The following EXOC7 variants were observed in gnomAD, a reference collection of about 807,000 sequenced individuals.
EXOC7 encodes exocyst complex component Exo70.
EXOC7 carries 51 observed loss-of-function variants against 87.6 expected under a neutral mutation model. The observed-to-expected ratio is 0.58, with a 90% CI of 0.46 to 0.73. EXOC7 has a LOEUF of 0.73. EXOC7 is among the 30% of genes least tolerant of loss of function. The probability of loss-of-function intolerance (pLI) is 0.00; values close to 1 mark genes in which losing one functional copy is unlikely to be tolerated. For missense variants in EXOC7, 744 were observed against 888.4 expected (o/e 0.84, Z 2.07); for synonymous variants, 327 against 357.1 (o/e 0.92, Z 0.95).
Position 76,101,390 on chromosome 17 carries a change from G to A in EXOC7, c.312-14C>T, listed in dbSNP as rs1339457227. The A allele has an allele frequency of 6.2e-7, 1 of 1,613,970 alleles. No individual in the cohort carries two copies. Among genetic ancestry groups the A allele is most frequent in the African/African-American group, 1.3e-5 (1 of 75,022 alleles). On this transcript the variant is annotated splice_polypyrimidine_tract_variant and intron_variant, in intron 3 of 18. Transcript: ENST00000589210. ...CTACCTGTGGGGCTGGGAAAGAAAA[G>A]AGCCAGGTCAGGCTGGGGCATGGGG...
At position 76,085,863 on chromosome 17, in the gene EXOC7, C is replaced by T. The variant is rs1427680936; in HGVS notation, c.1496-66G>A. ...TGACCCAAACGACCCCACCCCAGGA[C>T]CCGCGAACGCGCTCCTATCCATCGC... On this transcript the variant is annotated intron_variant, in intron 13 of 18. Coordinates refer to ENST00000589210, the MANE Select transcript of EXOC7 (RefSeq NM_001013839.4). 6 of 1,576,796 alleles carry T rather than the reference C, an allele frequency of 3.8e-6. No homozygotes were observed. In the African/African-American group the frequency reaches 8.1e-5, roughly 21 times the overall value.
At position 76,083,465 on chromosome 17, in the gene EXOC7, C is replaced by G; in HGVS notation, c.*183G>C. On this transcript the variant is annotated 3_prime_UTR_variant, in exon 19 of 19. Transcript: ENST00000589210. ...GAGAGTGCTGGTTCGGCTGGGAACACGGGCTGTGGGGAAAAAGCAGGAGCC... is the reference window on the plus strand; with the variant it reads ...GAGAGTGCTGGTTCGGCTGGGAACAGGGGCTGTGGGGAAAAAGCAGGAGCC... 3.2e-6 allele frequency: 2 copies of G among 617,736 alleles called. No homozygotes were observed. The highest frequency in any genetic ancestry group is 5.8e-6 in the Non-Finnish European group (2 of 347,284). 38.3% of individuals were successfully genotyped at this position (617,736 alleles called of 1,614,324 possible). A position where few individuals can be genotyped will look rare whatever the true frequency, so the allele number is the denominator to read the frequency against.
chr17:76,102,174 G>T (rs985647221), intron 2 of EXOC7, among the ~76,000 whole-genome samples: 2 of 152,144 alleles, frequency 1.3e-5, no homozygotes, highest in Non-Finnish European at 2.9e-5. Flanking sequence ...CTCAACTTCT[G>T]TTCTCTCTGA....
In EXOC7 at chr17:76,082,261, C is replaced by A; in HGVS notation, c.*1387G>T. ...CCCTGAAGTCCCAGGTGACCTCAAT[C>A]CCCTGATAACCCATGCCTTGCACAG... On this transcript the variant is annotated 3_prime_UTR_variant, in exon 19 of 19. Transcript: ENST00000589210. 1 of 768,934 alleles carries A rather than the reference C, an allele frequency of 1.3e-6. No homozygotes were observed. The highest frequency in any genetic ancestry group is 2.0e-6 in the Non-Finnish European group (1 of 493,642). 47.6% of individuals were successfully genotyped at this position (768,934 alleles called of 1,614,324 possible).
chr17:76,082,878 T>A lies in EXOC7; in HGVS notation c.*770A>T, dbSNP rs2067043232. The A allele has an allele frequency of 1.5e-5, 6 of 402,070 alleles. No individual in the cohort carries two copies. In the South Asian group the frequency reaches 4.6e-4, roughly 31 times the overall value. The allele number at this position is 402,070 out of a possible 1,614,324, so 24.9% of individuals were successfully genotyped here. A position where few individuals can be genotyped will look rare whatever the true frequency, so the allele number is the denominator to read the frequency against. Reference sequence around the variant, plus strand: ...CCCTATTTTTTGCTTCCAACCCCCATTTTGCTCCTTAACTTTTCCCCATTG... The same window carrying A: ...CCCTATTTTTTGCTTCCAACCCCCAATTTGCTCCTTAACTTTTCCCCATTG... On this transcript the variant is annotated 3_prime_UTR_variant, in exon 19 of 19. Coordinates refer to ENST00000589210, the MANE Select transcript of EXOC7 (RefSeq NM_001013839.4).
chr17:76,088,412 T>C (rs1177413644), intron 10 of EXOC7, 52 bp downstream of exon 10: 2 of 1,552,174 alleles, frequency 1.3e-6, no homozygotes, highest in Non-Finnish European at 1.8e-6. Context: ...CAGGGCCAGG[T>C]CACTGTGGTG....
At chr17:76,096,731 T>G (rs1479305372) in intron 5 of EXOC7, among the ~76,000 whole-genome samples, 2 of 151,348 alleles carry the variant, frequency 1.3e-5, no homozygotes, top group African/African-American at 4.9e-5. Flanking sequence ...TAATTTTGTA[T>G]TTTTAGTAGA....
At chr17:76,094,154 C>T (rs1229278871) in intron 6 of EXOC7, 3 of 369,702 alleles carry the variant, frequency 8.1e-6, no homozygotes, top group South Asian at 5.4e-5. Flanking sequence ...AGGCGGGATT[C>T]GCTGAGCACC....
At chr17:76,100,950 G>A in intron 4 of EXOC7, 4 of 199,406 alleles carry the variant, frequency 2.0e-5, no homozygotes, top group Non-Finnish European at 3.6e-5. Flanking sequence ...CTCCAGCTTG[G>A]GTGACAGAGC....
rs1374447428 is a variant in EXOC7, at chr17:76,083,454, G to A, written c.*194C>T. ...CAGGCTTCCGGGAGAGTGCTGGTTCGGCTGGGAACACGGGCTGTGGGGAAA... is the reference window on the plus strand; with the variant it reads ...CAGGCTTCCGGGAGAGTGCTGGTTCAGCTGGGAACACGGGCTGTGGGGAAA... On this transcript the variant is annotated 3_prime_UTR_variant, in exon 19 of 19. Coordinates refer to ENST00000589210, the MANE Select transcript of EXOC7 (RefSeq NM_001013839.4). 1.5e-5 allele frequency: 9 copies of A among 598,756 alleles called. No homozygotes were observed. The highest frequency in any genetic ancestry group is 9.7e-5 in the South Asian group (5 of 51,670). 37.1% of individuals were successfully genotyped at this position (598,756 alleles called of 1,614,324 possible).
intron 1 of EXOC7, 53 bp downstream of exon 1, chr17:76,103,580 C>T: frequency 6.2e-7 from 1 of 1,607,070 alleles, no homozygotes; most frequent in South Asian, 1.1e-5. Flanking sequence ...TCAGGCCCCG[C>T]TGTTGGCCCC....
chr17:76,091,096 C>T (rs369460127), intron 7 of EXOC7, 47 bp downstream of exon 7: 67 of 1,540,600 alleles, frequency 4.3e-5, no homozygotes, highest in Non-Finnish European at 5.8e-5. Context: ...AGTGCGTGGA[C>T]ACACAGTGGA....
At chr17:76,090,720 C>T (rs1449565135) in intron 7 of EXOC7, 5 of 567,116 alleles carry the variant, frequency 8.8e-6, no homozygotes, top group East Asian at 3.0e-5. Context: ...TTCCCCACCT[C>T]GCTGTATTTG....
chr17:76,093,574 A>G (rs1598326430), intron 6 of EXOC7: 1 of 152,892 alleles, frequency 6.5e-6, no homozygotes, highest in African/African-American at 2.4e-5. Context: ...CAGCAGCTGG[A>G]CAGGGGGCCA....
At chr17:76,091,553 A>C in intron 6 of EXOC7, 2 of 291,634 alleles carry the variant, frequency 6.9e-6, no homozygotes, top group Non-Finnish European at 1.3e-5. Context: ...TCATAATCAG[A>C]ACAGGCGAGG....
Position 76,081,214 on chromosome 17 carries a change from AC to A in EXOC7, c.*2433del, listed in dbSNP as rs1319925379. ...CATCACCCCTGGGCTCCAGTCTGCT[AC>A]CCCCAGACTTGGCAGCTGGGATCTC... On this transcript the variant is annotated 3_prime_UTR_variant, in exon 19 of 19. Transcript: ENST00000589210. 1.1e-5 allele frequency: 18 copies of A among 1,598,500 alleles called. No individual in the cohort carries two copies. Among genetic ancestry groups the A allele is most frequent in the Non-Finnish European group, 1.4e-5 (16 of 1,171,816 alleles).
chr17:76,099,965 G>A (rs144160730), intron 4 of EXOC7, among the ~76,000 whole-genome samples: 97 of 152,272 alleles, frequency 6.4e-4, no homozygotes, highest in African/African-American at 2.3e-3. Context: ...AGCTGGGTAT[G>A]GTTGCACATG....
rs1246989442 is a variant in EXOC7, at chr17:76,086,037, A to G, written c.1495+43T>C. ...GACAGAAGGAAGGGAAAGGCAGGGC[A>G]TGCAGGCAGCAGGGCTGCTGGTCTG... On this transcript the variant is annotated intron_variant, in intron 13 of 18. Coordinates refer to ENST00000589210, the MANE Select transcript of EXOC7 (RefSeq NM_001013839.4). The G allele has an allele frequency of 3.1e-6, 5 of 1,605,404 alleles. No homozygotes were observed. In the South Asian group the frequency reaches 4.4e-5, roughly 14 times the overall value.
intron 4 of EXOC7, 116 bp from the exon 5 acceptor site, chr17:76,098,134 C>A: frequency 1.2e-6 from 1 of 819,226 alleles, no homozygotes; most frequent in Non-Finnish European, 1.9e-6. Flanking sequence ...CCCTTTTCTG[C>A]CCTGATATCT....
Sources: gnomAD v4.1 joint callset for allele counts (sites outside exome capture counted in the v4.1 genomes callset) on GRCh38, gnomAD v4.1.1 for gene constraint, MANE v1.5 for transcripts, NCBI Gene and HGNC (gene_info 2026-07-23, HGNC 2026-07-21) for gene names.